Variants in MPP7 observed in about 807,000 individuals in gnomAD.
MPP7 encodes MAGUK p55 scaffold protein 7, also known as MAGUK p55 subfamily member 7.
A neutral mutation model predicts 76.5 loss-of-function variants in MPP7; 60 were observed. That is an observed-to-expected ratio of 0.78 (90% CI 0.64 to 0.97). The LOEUF (loss-of-function observed/expected upper bound fraction) is 0.97, where lower values mean the gene tolerates loss of function less well. Ranked by LOEUF, MPP7 falls within the 50% of genes least tolerant of loss-of-function variation. MPP7 has a pLI of 0.00. For missense variants in MPP7, 641 were observed against 694.0 expected (o/e 0.92, Z 0.86); for synonymous variants, 237 against 244.5 (o/e 0.97, Z 0.29).
intron 1 of MPP7, among the ~76,000 whole-genome samples, chr10:28,290,765 G>A (rs1286452662): frequency 2.0e-5 from 3 of 152,040 alleles, no homozygotes; most frequent in Non-Finnish European, 4.4e-5. Context: ...GAGCCACCAC[G>A]CCCGGCCCCA....
chr10:28,285,900 A>C (rs1037675520), intron 1 of MPP7, among the ~76,000 whole-genome samples: 1 of 152,126 alleles, frequency 6.6e-6, no homozygotes, highest in Non-Finnish European at 1.5e-5. Flanking sequence ...ATAAATGAAC[A>C]TAACTTTCTT....
intron 1 of MPP7, among the ~76,000 whole-genome samples, chr10:28,254,004 G>GA (rs199511617): frequency 0.15 from 14,099 of 92,158 alleles, 1,803 homozygotes; most frequent in Non-Finnish European, 0.22. Flanking sequence ...TCACAAAAAA[G>GA]AAAAAAAAAA....
At chr10:28,177,585 A>T (rs1444744696) in intron 3 of MPP7, among the ~76,000 whole-genome samples, 1 of 152,236 alleles carries the variant, frequency 6.6e-6, no homozygotes, top group African/African-American at 2.4e-5. Flanking sequence ...AATAAACCAT[A>T]GCATAAGCGG....
chr10:28,160,643 G>T (rs146925395), intron 3 of MPP7, among the ~76,000 whole-genome samples: 1 of 152,320 alleles, frequency 6.6e-6, no homozygotes, highest in South Asian at 2.1e-4. Flanking sequence ...CTGAATACAT[G>T]AATCTAACAA....
intron 1 of MPP7, among the ~76,000 whole-genome samples, chr10:28,273,045 T>C (rs1038731470): frequency 1.3e-5 from 2 of 152,140 alleles, no homozygotes; most frequent in African/African-American, 2.4e-5. Flanking sequence ...GCCTCCCCAG[T>C]AGCTGGGATT....
upstream of MPP7, chr10:28,305,615 G>C (rs1841249330): frequency 6.6e-6 from 1 of 152,264 alleles, no homozygotes. Flanking sequence ...TGAGGAATAA[G>C]CTGAAACATC....
intron 3 of MPP7, among the ~76,000 whole-genome samples, chr10:28,159,578 T>G (rs1288766842): frequency 6.6e-6 from 1 of 152,202 alleles, no homozygotes; most frequent in Non-Finnish European, 1.5e-5. Context: ...GACACGCTGC[T>G]TTGGTTGAAG....
At chr10:28,229,124 T>G (rs145427907) in intron 2 of MPP7, among the ~76,000 whole-genome samples, 1 of 152,256 alleles carries the variant, frequency 6.6e-6, no homozygotes, top group Non-Finnish European at 1.5e-5. Flanking sequence ...TTTATATGCA[T>G]TCAAAAAGCC....
chr10:28,301,785 A>G (rs1445147949), intron 1 of MPP7, among the ~76,000 whole-genome samples: 2 of 152,162 alleles, frequency 1.3e-5, no homozygotes, highest in East Asian at 3.9e-4. Flanking sequence ...TACTGTTTTT[A>G]TAGAACCAGA....
chr10:28,151,411 GAGCT>G (rs1470626970), intron 3 of MPP7, among the ~76,000 whole-genome samples: 1 of 152,150 alleles, frequency 6.6e-6, no homozygotes, highest in Non-Finnish European at 1.5e-5. Flanking sequence ...CAATCATACT[GAGCT>G]AAATTCACTT....
intron 11 of MPP7, among the ~76,000 whole-genome samples, chr10:28,112,291 G>C (rs531776706): frequency 2.6e-5 from 4 of 152,248 alleles, no homozygotes; most frequent in African/African-American, 7.2e-5. Context: ...TATAAAGTGG[G>C]TTGTTAAACA....
At chr10:28,321,280 C>T (rs1834367413) in intron 2 of MPP7, among the ~76,000 whole-genome samples, 1 of 152,112 alleles carries the variant, frequency 6.6e-6, no homozygotes, top group Non-Finnish European at 1.5e-5. Context: ...ATGAGAAAAG[C>T]TCTTTTCATG....
chr10:28,090,022 G>A (rs910867253), intron 11 of MPP7, among the ~76,000 whole-genome samples, 181 bp from the exon 12 acceptor site: 11 of 152,148 alleles, frequency 7.2e-5, no homozygotes, highest in Admixed American at 2.0e-4. Flanking sequence ...GAGCAGTGGC[G>A]CCATCACAGC....
chr10:28,155,331 G>A (rs756732510), intron 3 of MPP7, among the ~76,000 whole-genome samples: 19 of 152,030 alleles, frequency 1.2e-4, no homozygotes, highest in Admixed American at 9.8e-4. Context: ...GGCTCACACC[G>A]GTAAGCCCAG....
At chr10:28,130,660 C>T (rs765000321) in intron 6 of MPP7, among the ~76,000 whole-genome samples, 20 of 152,160 alleles carry the variant, frequency 1.3e-4, no homozygotes, top group African/African-American at 2.9e-4. Flanking sequence ...TTTTTCATTG[C>T]GCTTTGACAG....
intron 1 of MPP7, among the ~76,000 whole-genome samples, chr10:28,242,705 G>T (rs574424139): frequency 3.3e-5 from 5 of 152,306 alleles, no homozygotes; most frequent in Admixed American, 3.3e-4. Flanking sequence ...TGCACCAATG[G>T]TGAAAAGCAA....
chr10:28,064,015 T>C (rs1851896388), intron 13 of MPP7, among the ~76,000 whole-genome samples: 2 of 152,204 alleles, frequency 1.3e-5, no homozygotes, highest in African/African-American at 2.4e-5. Context: ...ATAACCACTT[T>C]GGACATCAGT....
chr10:28,239,137 A>T (rs1588967990), intron 1 of MPP7, among the ~76,000 whole-genome samples: 1 of 150,990 alleles, frequency 6.6e-6, no homozygotes, highest in Admixed American at 6.6e-5. Flanking sequence ...TATAATTTTT[A>T]TTTTTTTATT....
intron 3 of MPP7, among the ~76,000 whole-genome samples, chr10:28,188,854 C>T (rs753726096): frequency 2.4e-4 from 36 of 151,942 alleles, no homozygotes; most frequent in Non-Finnish European, 4.6e-4. Context: ...TCTGGACTTC[C>T]GTATCTAATG....
Sources: allele counts gnomAD v4.1 joint callset (sites outside exome capture counted in the v4.1 genomes callset), GRCh38; gene constraint gnomAD v4.1.1; transcripts MANE v1.5; gene names NCBI Gene and HGNC (gene_info 2026-07-23, HGNC 2026-07-21).